Variants in GRK5 observed in about 807,000 individuals in gnomAD.
GRK5 encodes g protein-coupled receptor kinase GRK5.
In GRK5, 40 loss-of-function variants were observed where a neutral mutation model predicts 78.4. The observed-to-expected ratio is 0.51, with a 90% confidence interval of 0.40 to 0.66. The LOEUF is 0.66. Among genes scored for constraint, GRK5 ranks in the 30% least tolerant of loss-of-function variants. The probability of loss-of-function intolerance (pLI) is 0.00; values close to 1 mark genes in which losing one functional copy is unlikely to be tolerated. For synonymous variants in GRK5, 289 were observed against 296.8 expected (o/e 0.97, Z 0.27); for missense variants, 598 against 759.9 (o/e 0.79, Z 2.50).
At chr10:119,361,077 G>A (rs1043723045) in intron 2 of GRK5, among the ~76,000 whole-genome samples, 1 of 152,180 alleles carries the variant, frequency 6.6e-6, no homozygotes, top group South Asian at 2.1e-4. Flanking sequence ...AGACCTGGAC[G>A]CAGATCCCAG....
intron 10 of GRK5, among the ~76,000 whole-genome samples, chr10:119,441,481 T>C (rs1853034113): frequency 6.6e-6 from 1 of 152,184 alleles, no homozygotes; most frequent in Non-Finnish European, 1.5e-5. Context: ...CTGGGATTCA[T>C]CTCCAGGCTC....
At chr10:119,208,944 T>C (rs1399310998) in intron 1 of GRK5, among the ~76,000 whole-genome samples, 2 of 152,104 alleles carry the variant, frequency 1.3e-5, no homozygotes, top group Non-Finnish European at 2.9e-5. Context: ...TGAGCTCTAG[T>C]GTGCGACCTT....
intron 1 of GRK5, among the ~76,000 whole-genome samples, chr10:119,261,815 G>C (rs970679566): frequency 1.3e-5 from 2 of 152,254 alleles, no homozygotes; most frequent in Non-Finnish European, 2.9e-5. Flanking sequence ...CGGAGAATCA[G>C]GCAGGGAGGT....
At chr10:119,240,697 A>G (rs1849010808) in intron 1 of GRK5, among the ~76,000 whole-genome samples, 2 of 151,884 alleles carry the variant, frequency 1.3e-5, no homozygotes, top group South Asian at 4.1e-4. Flanking sequence ...TTTCTTGTAA[A>G]TTTAAGTTCT....
chr10:119,313,077 GTGGTGGTGGTGA>G (rs1478747998), intron 1 of GRK5, among the ~76,000 whole-genome samples: 24 of 145,228 alleles, frequency 1.7e-4, no homozygotes, highest in South Asian at 4.3e-4. Flanking sequence ...GGTGATGGTG[GTGGTGGTGGTGA>G]TGGTGGTGAT....
chr10:119,241,986 A>G (rs1849035218), intron 1 of GRK5, among the ~76,000 whole-genome samples: 1 of 152,034 alleles, frequency 6.6e-6, no homozygotes, highest in African/African-American at 2.4e-5. Flanking sequence ...GAGGAAATGT[A>G]TGGTAAATAA....
chr10:119,342,993 G>A (rs1851009107), intron 2 of GRK5, among the ~76,000 whole-genome samples: 1 of 152,216 alleles, frequency 6.6e-6, no homozygotes, highest in Non-Finnish European at 1.5e-5. Context: ...CCAGCCATGA[G>A]CCCCTATTCA....
chr10:119,333,153 C>T lies in GRK5; in HGVS notation c.148+6542C>T, dbSNP rs572194104. 5.2e-5 allele frequency: 8 copies of T among 152,472 alleles called. No homozygotes were observed. In the East Asian group the frequency reaches 5.8e-4, roughly 11 times the overall value. The allele number at this position is 152,472 out of a possible 1,614,324, so 9.4% of individuals were successfully genotyped here. On this transcript the variant is annotated intron_variant, in intron 2 of 15. Transcript: ENST00000392870. ...AGGTGAAATATTTGAAATTAGAGCT[C>T]TTCTAAAAAAATTGGTGACATGTGT...
chr10:119,282,519 T>C (rs1475396044), intron 1 of GRK5, among the ~76,000 whole-genome samples: 1 of 152,228 alleles, frequency 6.6e-6, no homozygotes, highest in Non-Finnish European at 1.5e-5. Context: ...CCTCAGCTCC[T>C]AGACCAGGGT....
chr10:119,277,473 C>T (rs958538612), intron 1 of GRK5, among the ~76,000 whole-genome samples: 1 of 152,198 alleles, frequency 6.6e-6, no homozygotes, highest in African/African-American at 2.4e-5. Context: ...ACACCCCTCT[C>T]CCCCTCTTCT....
chr10:119,250,285 A>T (rs1849179145), intron 1 of GRK5, among the ~76,000 whole-genome samples: 1 of 152,160 alleles, frequency 6.6e-6, no homozygotes, highest in African/African-American at 2.4e-5. Flanking sequence ...CTACTTGTGG[A>T]TGTAGGGTTT....
chr10:119,433,192 G>A (rs1179065835), intron 8 of GRK5, among the ~76,000 whole-genome samples: 2 of 152,228 alleles, frequency 1.3e-5, no homozygotes, highest in African/African-American at 4.8e-5. Context: ...CGGGGGTGCA[G>A]GTGTGGGCAG....
At chr10:119,425,317 G>A (rs900015905) in intron 6 of GRK5, among the ~76,000 whole-genome samples, 1 of 124,490 alleles carries the variant, frequency 8.0e-6, no homozygotes, top group African/African-American at 3.4e-5. Context: ...TCACGCAAAT[G>A]TAAACAGCAT....
intron 1 of GRK5, among the ~76,000 whole-genome samples, chr10:119,317,726 A>T (rs1419647546): frequency 6.6e-6 from 1 of 152,086 alleles, no homozygotes; most frequent in East Asian, 1.9e-4. Flanking sequence ...GCTGGGAGGA[A>T]TATTTTTCAG....
At chr10:119,313,244 A>ATGGTGGTGGTG (rs1850424279) in intron 1 of GRK5, among the ~76,000 whole-genome samples, 1 of 89,274 alleles carries the variant, frequency 1.1e-5, no homozygotes, top group African/African-American at 4.1e-5. Flanking sequence ...TGGTGGTGGT[A>ATGGTGGTGGTG]ATGGTGGTGG....
In GRK5 at chr10:119,271,624, G is replaced by A. The variant is rs573104586; in HGVS notation, c.53-54892G>A. On this transcript the variant is annotated intron_variant, in intron 1 of 15. Transcript: ENST00000392870. The surrounding 1 kb of genome is among the most constrained non-coding windows in gnomAD (Gnocchi z 4.1). ...TGACTCACCCCATCAGTGCTGGGCT[G>A]GTGTGTGCGGGGTTTTGTCGCCACC... 3.1e-4 allele frequency among the ~76,000 whole-genome samples: 47 copies of A among 152,296 alleles called. No homozygotes were observed. The highest frequency in any genetic ancestry group is 3.4e-3 in the Middle Eastern group (1 of 294).
At chr10:119,374,889 G>A (rs1851599999) in intron 2 of GRK5, among the ~76,000 whole-genome samples, 1 of 152,086 alleles carries the variant, frequency 6.6e-6, no homozygotes, top group African/African-American at 2.4e-5. Flanking sequence ...TACCACGATT[G>A]TAAGCTTCCT....
intron 1 of GRK5, among the ~76,000 whole-genome samples, chr10:119,293,628 A>G (rs747212619): frequency 5.3e-5 from 8 of 152,154 alleles, no homozygotes; most frequent in African/African-American, 1.2e-4. Context: ...TTCTTTGTAC[A>G]TTCCTCCTTC....
chr10:119,436,894 A>G (rs2133901222), intron 9 of GRK5, 53 bp downstream of exon 9: 10 of 1,505,976 alleles, frequency 6.6e-6, no homozygotes, highest in Non-Finnish European at 8.1e-6. Context: ...GGGTGGGGCC[A>G]GCCCCTCCAC....
Sources: allele counts gnomAD v4.1 joint callset (sites outside exome capture counted in the v4.1 genomes callset), GRCh38; gene constraint gnomAD v4.1.1; non-coding constraint Gnocchi (gnomAD v3.1); transcripts MANE v1.5; gene names NCBI Gene and HGNC (gene_info 2026-07-23, HGNC 2026-07-21).